DPP10: variants seen among roughly 807,000 people sequenced by gnomAD.
DPP10 encodes the protein inactive dipeptidyl peptidase 10.
Under a neutral mutation model 120.9 loss-of-function variants are expected in DPP10, and 33 were observed. That is an observed-to-expected ratio of 0.27 (90% confidence interval 0.21 to 0.37). The LOEUF is 0.37. Among genes scored for constraint, DPP10 ranks in the 10% least tolerant of loss-of-function variants. The probability of loss-of-function intolerance (pLI) is 1.00; values close to 1 mark genes in which losing one functional copy is unlikely to be tolerated. For synonymous variants in DPP10, 337 were observed against 326.1 expected (o/e 1.03, Z -0.36); for missense variants, 816 against 942.8 (o/e 0.87, Z 1.76).
intron 3 of DPP10, among the ~76,000 whole-genome samples, chr2:115,409,177 G>A (rs555425421): frequency 2.4e-4 from 37 of 152,138 alleles, no homozygotes; most frequent in Admixed American, 2.3e-3. Flanking sequence ...GACTATAAAC[G>A]GAACATTATG....
intron 1 of DPP10, among the ~76,000 whole-genome samples, chr2:115,037,908 G>C (rs1704340976): frequency 6.6e-6 from 1 of 152,144 alleles, no homozygotes; most frequent in Admixed American, 6.5e-5. Context: ...ATGATATTAT[G>C]TGGAATGGTT....
intron 3 of DPP10, among the ~76,000 whole-genome samples, chr2:115,411,056 G>A (rs1034929760): frequency 3.9e-5 from 6 of 152,116 alleles, no homozygotes; most frequent in African/African-American, 9.7e-5. Flanking sequence ...GGGGCTGGGC[G>A]CAGTAGCTCA....
At chr2:115,657,381 G>A (rs942777038) in intron 5 of DPP10, among the ~76,000 whole-genome samples, 1 of 151,654 alleles carries the variant, frequency 6.6e-6, no homozygotes, top group African/African-American at 2.4e-5. Context: ...TTTAGTATGC[G>A]ACTCTGCAAT....
intron 1 of DPP10, among the ~76,000 whole-genome samples, chr2:115,224,996 C>T (rs1006595790): frequency 6.6e-6 from 1 of 152,116 alleles, no homozygotes; most frequent in Non-Finnish European, 1.5e-5. Context: ...TGAATCCAGA[C>T]TGAATAGCAA....
chr2:114,447,688 A>G (rs1484570433), intron 1 of DPP10, among the ~76,000 whole-genome samples: 1 of 152,192 alleles, frequency 6.6e-6, no homozygotes, highest in Non-Finnish European at 1.5e-5. Flanking sequence ...CACACTAAAG[A>G]AAGAGTTACC....
intron 11 of DPP10, among the ~76,000 whole-genome samples, chr2:115,757,014 G>A (rs192954199): frequency 3.9e-5 from 6 of 152,146 alleles, no homozygotes; most frequent in South Asian, 4.2e-4. Context: ...TAAATACTCC[G>A]TAAGATTTTA....
chr2:114,442,673 C>T lies in DPP10; in HGVS notation c.-106C>T, dbSNP rs1677721390. Reference sequence around the variant, plus strand: ...GCAGAAGCAACAGCAGTAGCAGCGGCAGCAGCAACAGCAGCAGCCCCTACT... The same window carrying T: ...GCAGAAGCAACAGCAGTAGCAGCGGTAGCAGCAACAGCAGCAGCCCCTACT... On this transcript the variant is annotated 5_prime_UTR_variant, in exon 1 of 26. Coordinates refer to ENST00000410059, the MANE Select transcript of DPP10 (RefSeq NM_020868.6). 6 of 1,273,010 alleles carry T rather than the reference C, an allele frequency of 4.7e-6. No individual in the cohort carries two copies. The Admixed American group carries it at 1.2e-4, about 25-fold the overall frequency. The allele number at this position is 1,273,010 out of a possible 1,614,324, so 78.9% of individuals were successfully genotyped here.
chr2:115,324,904 G>C (rs2062266458), intron 2 of DPP10, among the ~76,000 whole-genome samples: 1 of 152,008 alleles, frequency 6.6e-6, no homozygotes, highest in Non-Finnish European at 1.5e-5. Flanking sequence ...TTATGTCTTA[G>C]GGAATAAGGG....
chr2:114,491,821 T>G (rs1040754771), intron 1 of DPP10, among the ~76,000 whole-genome samples: 1 of 152,180 alleles, frequency 6.6e-6, no homozygotes, highest in African/African-American at 2.4e-5. Context: ...AGAACATTCT[T>G]AGACAAGGTA....
chr2:115,837,846 A>G (rs1689692568), intron 24 of DPP10, among the ~76,000 whole-genome samples: 1 of 152,100 alleles, frequency 6.6e-6, no homozygotes, highest in Non-Finnish European at 1.5e-5. Flanking sequence ...GTAATCAAAA[A>G]AAAAAAAAGT....
Position 115,402,875 on chromosome 2 carries a change from A to G in DPP10, c.271+58963A>G, listed in dbSNP as rs995443503. 6.1e-4 allele frequency among the ~76,000 whole-genome samples: 77 copies of G among 125,226 alleles called. 1 individual carries two copies. The highest frequency in any genetic ancestry group is 1.7e-3 in the South Asian group (7 of 4,074). 82.2% of individuals were successfully genotyped at this position (125,226 alleles called of 152,430 possible). On this transcript the variant is annotated intron_variant, in intron 3 of 25. Coordinates refer to ENST00000410059, the MANE Select transcript of DPP10 (RefSeq NM_020868.6). ...AAAAAATATATATATATATATATAT[A>G]TGTGTGTGTGTGTGTGTATATATAT...
intron 1 of DPP10, among the ~76,000 whole-genome samples, chr2:114,805,110 T>C (rs1446954998): frequency 6.6e-6 from 1 of 152,156 alleles, no homozygotes; most frequent in Non-Finnish European, 1.5e-5. Context: ...TTCTTCATTA[T>C]TTTCTCTTGC....
chr2:114,548,373 A>G (rs1343778568), intron 1 of DPP10, among the ~76,000 whole-genome samples: 1 of 152,160 alleles, frequency 6.6e-6, no homozygotes, highest in Non-Finnish European at 1.5e-5. Flanking sequence ...TTAGTAACAC[A>G]GAGATGGGGG....
chr2:115,141,371 C>G (rs540453808), intron 1 of DPP10, among the ~76,000 whole-genome samples: 5 of 152,216 alleles, frequency 3.3e-5, no homozygotes, highest in African/African-American at 1.2e-4. Context: ...CCGCTTCACA[C>G]ATATTATCTT....
At position 115,226,454 on chromosome 2, in the gene DPP10, C is replaced by T. The variant is rs542826077; in HGVS notation, c.61-82785C>T. On this transcript the variant is annotated intron_variant, in intron 1 of 25. Transcript: ENST00000410059. ...ACTTAGTCATAATGTGGCTTTATTCCATGTTTCCATGAAATTCATTTGAGA... is the reference window on the plus strand; with the variant it reads ...ACTTAGTCATAATGTGGCTTTATTCTATGTTTCCATGAAATTCATTTGAGA... Among the ~76,000 whole-genome samples the T allele has an allele frequency of 6.6e-5, 10 of 152,176 alleles. No homozygotes were observed. In the South Asian group the frequency reaches 2.1e-3, roughly 32 times the overall value.
intron 5 of DPP10, among the ~76,000 whole-genome samples, chr2:115,602,641 G>A (rs4390773): frequency 0.99 from 150,469 of 152,270 alleles, 74,373 homozygotes; most frequent in East Asian, 1. Flanking sequence ...CTTCCTCTCA[G>A]ACAAATGTTC....
intron 3 of DPP10, among the ~76,000 whole-genome samples, chr2:115,365,479 A>C (rs2065025473): frequency 6.6e-6 from 1 of 152,014 alleles, no homozygotes; most frequent in African/African-American, 2.4e-5. Flanking sequence ...TGCATTACTC[A>C]AAACATGCCA....
At chr2:115,766,286 A>ATGTG (rs34673352) in intron 12 of DPP10, among the ~76,000 whole-genome samples, 1,373 of 69,908 alleles carry the variant, frequency 0.02, 30 homozygotes, top group Admixed American at 0.033. Flanking sequence ...CATTATATAT[A>ATGTG]TGTGTGTGTG....
At chr2:115,751,426 G>T (rs1478473843) in intron 10 of DPP10, among the ~76,000 whole-genome samples, 2 of 152,152 alleles carry the variant, frequency 1.3e-5, no homozygotes, top group African/African-American at 4.8e-5. Context: ...TTGATTCAAT[G>T]TTGCCTTATT....
Sources: allele counts gnomAD v4.1 joint callset (sites outside exome capture counted in the v4.1 genomes callset), GRCh38; gene constraint gnomAD v4.1.1; transcripts MANE v1.5; gene names NCBI Gene and HGNC (gene_info 2026-07-23, HGNC 2026-07-21).